RANGAP1: variants seen among roughly 807,000 people sequenced by gnomAD.
The protein encoded by RANGAP1 is Ran GTPase activating protein 1.
In RANGAP1, 38 loss-of-function variants were observed where a neutral mutation model predicts 63.5. That is an observed-to-expected ratio of 0.60 (90% confidence interval 0.46 to 0.78). RANGAP1 has a LOEUF of 0.78. RANGAP1 is among the 30% of genes least tolerant of loss of function. The pLI is 0.00. For synonymous variants in RANGAP1, 329 were observed against 310.5 expected (o/e 1.06, Z -0.63); for missense variants, 630 against 740.3 (o/e 0.85, Z 1.73).
chr22:41,301,262 G>A, the RANGAP1 span, among the ~76,000 whole-genome samples: 1 of 152,216 alleles, frequency 6.6e-6, no homozygotes, highest in African/African-American at 2.4e-5. Context: ...ACACAGATGG[G>A]GAAGGGCGGA....
chr22:41,293,760 CAAAAAAAAAA>C, the RANGAP1 span, among the ~76,000 whole-genome samples: 1 of 54,860 alleles, frequency 1.8e-5, no homozygotes, highest in Non-Finnish European at 4.0e-5. Flanking sequence ...GACTCTGTCT[CAAAAAAAAAA>C]AAAAAAAAAA....
In RANGAP1 at chr22:41,249,442, T is replaced by C; in HGVS notation, c.1582A>G (p.Lys528Glu). The change falls in exon 15 of 16, where the codon AAG becomes GAG. Residue 528 changes from lysine to glutamate, a missense_variant. Around this residue, in one of 3 missense-constraint regions of RANGAP1, gnomAD observed 428 missense variants for 465.5 expected, o/e 0.92. Coordinates refer to ENST00000356244, the MANE Select transcript of RANGAP1 (RefSeq NM_002883.4). ...VHMGLLKSEDKVKAIANLYGP... is the reference protein window; with the variant it reads ...VHMGLLKSEDEVKAIANLYGP... ...TACAGGTTGGCAATGGCCTTGACCT[T>C]GTCTTCACTCTGAGAGGAACACAGC... 1.2e-6 allele frequency: 2 copies of C among 1,614,142 alleles called. No homozygotes were observed. The highest frequency in any genetic ancestry group is 1.7e-6 in the Non-Finnish European group (2 of 1,180,014).
At chr22:41,295,046 C>T in the RANGAP1 span, among the ~76,000 whole-genome samples, 2 of 147,472 alleles carry the variant, frequency 1.4e-5, no homozygotes, top group Non-Finnish European at 3.0e-5. Context: ...GTCCCCCGCC[C>T]GGCCAGCCGC....
the RANGAP1 span, among the ~76,000 whole-genome samples, chr22:41,291,469 G>A: frequency 5.1e-4 from 78 of 151,912 alleles, no homozygotes; most frequent in African/African-American, 1.7e-3. Flanking sequence ...ACTGTGGCAC[G>A]TGCCTGTGGT....
At chr22:41,270,818 C>T (rs1457452954) in intron 3 of RANGAP1, among the ~76,000 whole-genome samples, 1 of 152,220 alleles carries the variant, frequency 6.6e-6, no homozygotes, top group African/African-American at 2.4e-5. Flanking sequence ...TTAGTAGTTC[C>T]ACCTGCACGT....
At chr22:41,251,484 A>G (rs529878862) in intron 12 of RANGAP1, among the ~76,000 whole-genome samples, 1 of 152,092 alleles carries the variant, frequency 6.6e-6, no homozygotes, top group East Asian at 1.9e-4. Flanking sequence ...AAATTAGCCA[A>G]GGTTGGTGGT....
chr22:41,253,721 C>G (rs1369751224), intron 11 of RANGAP1, among the ~76,000 whole-genome samples: 1 of 152,136 alleles, frequency 6.6e-6, no homozygotes, highest in Non-Finnish European at 1.5e-5. Flanking sequence ...TTTGTTTATT[C>G]TTTCAGAAAC....
At chr22:41,292,974 G>A in the RANGAP1 span, among the ~76,000 whole-genome samples, 2 of 151,632 alleles carry the variant, frequency 1.3e-5, no homozygotes, top group South Asian at 2.1e-4. Context: ...GGTGGCTCAC[G>A]CCTGTAATCC....
intron 2 of RANGAP1, chr22:41,280,705 G>A: frequency 6.8e-7 from 1 of 1,479,538 alleles, no homozygotes; most frequent in Non-Finnish European, 9.0e-7. Flanking sequence ...GAAAGAAAGG[G>A]CAGGGCACAA....
Position 41,251,012 on chromosome 22 carries a change from G to A in RANGAP1, c.1478C>T (p.Ala493Val). The part of the protein sequence containing the change: ...EATVRMAVQD[A>V]VDALMQKAFN... ...TCTCACCCAGCCCACATTACCTACT[G>A]CATCCTGCACTGCCATCCTCACAGT... Residue 493 changes from alanine (A) to valine (V), a missense_variant, in exon 13 of 16, where the codon GCA (alanine) becomes GTA (valine). Ala to Val is a moderately conservative substitution (Grantham distance 64). Transcript: ENST00000356244. 2 of 1,613,970 alleles carry A rather than the reference G, an allele frequency of 1.2e-6. No homozygotes were observed. The highest frequency in any genetic ancestry group is 1.7e-6 in the Non-Finnish European group (2 of 1,179,880).
At chr22:41,249,883 G>A (rs1227585352) in intron 13 of RANGAP1, 66 bp from the exon 14 acceptor site, 1 of 1,451,622 alleles carries the variant, frequency 6.9e-7, no homozygotes, top group Non-Finnish European at 9.7e-7. Context: ...AGGCACCCAG[G>A]GTTCCCCCAA....
intron 6 of RANGAP1, 138 bp from the exon 7 acceptor site, chr22:41,258,244 G>C: frequency 3.2e-6 from 3 of 949,874 alleles, no homozygotes; most frequent in Non-Finnish European, 4.4e-6. Flanking sequence ...GGGATTTTGG[G>C]GCATGGCTGC....
chr22:41,295,177 C>T, the RANGAP1 span, among the ~76,000 whole-genome samples: 1 of 150,158 alleles, frequency 6.7e-6, no homozygotes, highest in Admixed American at 6.6e-5. Flanking sequence ...TCTGCCCGGC[C>T]ACCACCCCGT....
the RANGAP1 span, among the ~76,000 whole-genome samples, chr22:41,299,374 C>T: frequency 6.6e-6 from 1 of 152,006 alleles, no homozygotes; most frequent in East Asian, 1.9e-4. Context: ...CCTTGTGATC[C>T]ACCCGCCTCG....
At position 41,249,814 on chromosome 22, in the gene RANGAP1, GC is replaced by G. The variant is rs2033313943; in HGVS notation, c.1486del (p.Ala496ProfsTer2). ...VRMAVQDAVD[A>X]LMQKAFNSSS... Reference sequence around the variant, plus strand: ...GGAGTTGAAAGCCTTCTGCATCAGGGCATCTGTAGGGCAGAAGCAGCAGGGG... The same window carrying G: ...GGAGTTGAAAGCCTTCTGCATCAGGGATCTGTAGGGCAGAAGCAGCAGGGG... On this transcript the variant is annotated frameshift_variant and splice_region_variant, in exon 14 of 16. Transcript: ENST00000356244. LOFTEE classifies it high-confidence loss of function. 1 of 1,613,200 alleles carries G rather than the reference GC, an allele frequency of 6.2e-7. No individual in the cohort carries two copies. The highest frequency in any genetic ancestry group is 8.5e-7 in the Non-Finnish European group (1 of 1,179,234).
chr22:41,278,667 T>C (rs1005835455), intron 2 of RANGAP1, among the ~76,000 whole-genome samples: 3 of 152,236 alleles, frequency 2.0e-5, no homozygotes, highest in Non-Finnish European at 4.4e-5. Context: ...GTCAAGTTAC[T>C]TAAAGTCTCC....
Position 41,244,846 on chromosome 22 carries a change from T to C in RANGAP1, c.*1757A>G, listed in dbSNP as rs6002295. On this transcript the variant is annotated 3_prime_UTR_variant, in exon 16 of 16. Coordinates refer to ENST00000356244, the MANE Select transcript of RANGAP1 (RefSeq NM_002883.4). ...GTACATTCACAATGTTATGCAACCA[T>C]CACCACTCTCCATTTCCAGAACATC... Among the ~76,000 whole-genome samples, 72,477 of 152,110 alleles carry C rather than the reference T, an allele frequency of 0.48. 18,762 individuals carry two copies. The highest frequency in any genetic ancestry group is 0.59 in the Middle Eastern group (173 of 294).
chr22:41,261,328 G>C, intron 6 of RANGAP1, 118 bp downstream of exon 6: 1 of 1,467,498 alleles, frequency 6.8e-7, no homozygotes, highest in Non-Finnish European at 9.2e-7. Context: ...GAGAGGGCAC[G>C]TGACGCCCCA....
At chr22:41,294,610 C>T in the RANGAP1 span, among the ~76,000 whole-genome samples, 12 of 140,802 alleles carry the variant, frequency 8.5e-5, no homozygotes, top group South Asian at 2.7e-3. Context: ...AAGTGAGGAG[C>T]GCCTCTTCCC....
Sources: allele counts gnomAD v4.1 joint callset (sites outside exome capture counted in the v4.1 genomes callset), GRCh38; gene constraint gnomAD v4.1.1; regional missense constraint gnomAD v4.1.1; transcripts MANE v1.5; gene names NCBI Gene and HGNC (gene_info 2026-07-23, HGNC 2026-07-21).